Variants in PODN observed in about 807,000 individuals in gnomAD.
PODN encodes podocan proteoglycan.
Under a neutral mutation model 52.7 loss-of-function variants are expected in PODN, and 40 were observed. That is an observed-to-expected ratio of 0.76 (90% CI 0.59 to 0.99). The LOEUF (loss-of-function observed/expected upper bound fraction) is 0.99, where lower values mean the gene tolerates loss of function less well. PODN is among the 50% of genes least tolerant of loss of function. The probability of loss-of-function intolerance (pLI) is 0.00; values close to 1 mark genes in which losing one functional copy is unlikely to be tolerated. For synonymous variants in PODN, 396 were observed against 377.9 expected (o/e 1.05, Z -0.56); for missense variants, 720 against 815.1 (o/e 0.88, Z 1.42).
chr1:53,083,399 G>T (rs1047463652), intron 10 of PODN, among the ~76,000 whole-genome samples: 1 of 152,168 alleles, frequency 6.6e-6, no homozygotes, highest in Non-Finnish European at 1.5e-5. Flanking sequence ...GAAGAGGCTG[G>T]CCTGGAGGGG....
chr1:53,067,935 A>T (rs945797066), intron 1 of PODN, among the ~76,000 whole-genome samples: 2 of 150,570 alleles, frequency 1.3e-5, no homozygotes, highest in Admixed American at 6.6e-5. Flanking sequence ...AAAAAAAAAA[A>T]GCCCAGCAAG....
intron 3 of PODN, 134 bp downstream of exon 3, chr1:53,071,762 C>A (rs1644122158): frequency 2.4e-6 from 2 of 841,940 alleles, no homozygotes; most frequent in Non-Finnish European, 3.7e-6. Flanking sequence ...AGGCCCGGGC[C>A]AGGCTAGCAG....
chr1:53,070,142 A>G lies in PODN; in HGVS notation c.287A>G (p.Glu96Gly), dbSNP rs772071448. ...DLREFPGDLP[E>G]HTNHLSLQNN... is the part of the protein sequence containing the mutation. Reference sequence around the variant, plus strand: ...CGTGAGTTCCCGGGGGACCTGCCTGAGCACACCAACCACCTATCTCTGCAG... The same window carrying G: ...CGTGAGTTCCCGGGGGACCTGCCTGGGCACACCAACCACCTATCTCTGCAG... The change falls in exon 2 of 11, where the codon GAG (glutamate) becomes GGG (glycine). Residue 96 changes from glutamate to glycine, a missense_variant. By Grantham distance (98) the Glu-to-Gly change is moderately conservative. Coordinates refer to ENST00000312553, the MANE Select transcript of PODN (RefSeq NM_153703.5). 22 of 1,610,022 alleles carry G rather than the reference A, an allele frequency of 1.4e-5. No homozygotes were observed. The highest frequency in any genetic ancestry group is 1.9e-5 in the Non-Finnish European group (22 of 1,179,970).
At position 53,062,223 on chromosome 1, in the gene PODN, G is replaced by T; in HGVS notation, c.-141G>T. 2.9e-5 allele frequency: 37 copies of T among 1,272,430 alleles called. No individual in the cohort carries two copies. The highest frequency in any genetic ancestry group is 3.7e-5 in the Non-Finnish European group (37 of 1,002,314). The allele number at this position is 1,272,430 out of a possible 1,614,324, so 78.8% of individuals were successfully genotyped here. A position where few individuals can be genotyped will look rare whatever the true frequency, so the allele number is the denominator to read the frequency against. On this transcript the variant is annotated 5_prime_UTR_variant, in exon 1 of 11. It introduces an in-frame stop codon into an upstream open reading frame of the 5' UTR. Coordinates refer to ENST00000312553, the MANE Select transcript of PODN (RefSeq NM_153703.5). ...GAGAGCGCCCAGCTTGACTTGAATG[G>T]AAGGAGCCCGAGCCCGCGGAGCGCA...
intron 10 of PODN, 36 bp downstream of exon 10, chr1:53,082,224 TC>T: frequency 6.9e-7 from 1 of 1,456,320 alleles, no homozygotes; most frequent in Admixed American, 2.4e-5. Flanking sequence ...TCACTTCTGC[TC>T]CCTGCATTTT....
At chr1:53,062,632 C>G (rs1055525532) in intron 1 of PODN, among the ~76,000 whole-genome samples, 2 of 151,902 alleles carry the variant, frequency 1.3e-5, no homozygotes, top group Non-Finnish European at 2.9e-5. Context: ...GGGAGGACGC[C>G]GGCGGGCGAC....
chr1:53,076,031 G>C (rs570323142), intron 5 of PODN, 60 bp downstream of exon 5: 56 of 1,373,358 alleles, frequency 4.1e-5, no homozygotes, highest in Non-Finnish European at 4.9e-5. Context: ...TGAGGTGGAG[G>C]CTGCCATCCT....
At chr1:53,068,920 G>C (rs947984815) in intron 1 of PODN, among the ~76,000 whole-genome samples, 1 of 152,150 alleles carries the variant, frequency 6.6e-6, no homozygotes, top group Non-Finnish European at 1.5e-5. Context: ...AGGTGGCAGT[G>C]GTCACTGAGC....
At position 53,071,705 on chromosome 1, in the gene PODN, G is replaced by C. The variant is rs1353832839; in HGVS notation, c.406+77G>C. The C allele has an allele frequency of 3.6e-6, 5 of 1,405,722 alleles. No individual in the cohort carries two copies. In the South Asian group the frequency reaches 3.7e-5, roughly 10 times the overall value. The allele number at this position is 1,405,722 out of a possible 1,614,324, so 87.1% of individuals were successfully genotyped here. A position where few individuals can be genotyped will look rare whatever the true frequency, so the allele number is the denominator to read the frequency against. ...GGCCTGAACGATGCTGGGTGCCCAG[G>C]GGGAGAGCTTGGCCCTGCGGATCTT... On this transcript the variant is annotated intron_variant, in intron 3 of 10. Coordinates refer to ENST00000312553, the MANE Select transcript of PODN (RefSeq NM_153703.5).
chr1:53,083,527 C>G (rs1644323429), intron 10 of PODN, among the ~76,000 whole-genome samples: 1 of 152,190 alleles, frequency 6.6e-6, no homozygotes, highest in African/African-American at 2.4e-5. Flanking sequence ...AGATTGGTGG[C>G]TTGGTGGCCA....
chr1:53,066,795 T>C (rs1644039020), intron 1 of PODN: 1 of 1,538,264 alleles, frequency 6.5e-7, no homozygotes, highest in Non-Finnish European at 8.8e-7. Context: ...ATAAATTCAA[T>C]ATTTTTATTG....
intron 3 of PODN, among the ~76,000 whole-genome samples, chr1:53,074,264 G>A (rs536361964): frequency 6.6e-6 from 1 of 152,380 alleles, no homozygotes; most frequent in East Asian, 1.9e-4. Context: ...GGATGGGGCT[G>A]TGACCTTCTG....
intron 10 of PODN, 92 bp downstream of exon 10, chr1:53,082,280 C>T: frequency 7.3e-7 from 1 of 1,378,382 alleles, no homozygotes; most frequent in African/African-American, 1.5e-5. Flanking sequence ...CATTCTTCAC[C>T]CTCTCGCCTC....
chr1:53,065,406 T>C (rs920217269), intron 1 of PODN, among the ~76,000 whole-genome samples: 6 of 151,436 alleles, frequency 4.0e-5, no homozygotes, highest in Non-Finnish European at 8.8e-5. Context: ...GTCAGTGGTA[T>C]GGCCAAGGTC....
At position 53,069,859 on chromosome 1, in the gene PODN, G is replaced by A. The variant is rs772909051; in HGVS notation, c.4G>A (p.Ala2Thr). The A allele has an allele frequency of 6.4e-7, 1 of 1,572,282 alleles. No homozygotes were observed. The highest frequency in any genetic ancestry group is 8.6e-7 in the Non-Finnish European group (1 of 1,159,258). The stretch of plus-strand genomic sequence containing the variant: ...CTCGGCACCCCCTGCAGGCACCATG[G>A]CCCAGAGCCGGGTGCTGCTGCTCCT... M[A>T]QSRVLLLLLL... The change falls in exon 2 of 11, where the codon GCC becomes ACC. Residue 2 changes from alanine (A) to threonine (T), a missense_variant. Ala to Thr is a moderately conservative substitution (Grantham distance 58). Coordinates refer to ENST00000312553, the MANE Select transcript of PODN (RefSeq NM_153703.5).
At chr1:53,081,917 C>T (rs774004667) in intron 9 of PODN, 64 bp from the exon 10 acceptor site, 17 of 1,529,630 alleles carry the variant, frequency 1.1e-5, no homozygotes, top group East Asian at 4.6e-5. Context: ...AGAGGCCAGT[C>T]GGGGGAAGGG....
chr1:53,074,155 A>T (rs1572267192), intron 3 of PODN, among the ~76,000 whole-genome samples: 1 of 152,244 alleles, frequency 6.6e-6, no homozygotes, highest in East Asian at 1.9e-4. Flanking sequence ...GTCCTGACAC[A>T]TCTGCCAGAT....
intron 1 of PODN, among the ~76,000 whole-genome samples, chr1:53,069,570 C>T (rs577230710): frequency 6.6e-6 from 1 of 152,354 alleles, no homozygotes; most frequent in East Asian, 1.9e-4. Context: ...TCCTTAGGGC[C>T]AAGCCTGCTG....
chr1:53,074,621 C>T lies in PODN; in HGVS notation c.422C>T (p.Ala141Val), dbSNP rs140637273. 5.6e-6 allele frequency: 9 copies of T among 1,613,918 alleles called. No individual in the cohort carries two copies. The highest frequency in any genetic ancestry group is 3.3e-4 in the Middle Eastern group (2 of 6,084). ...TCCTTTGAAGGGCTCCCAGAGAAGG[C>T]GTTTGAGCATCTGACCAACCTCAAT... Reference protein sequence around the residue: ...RLTSRGLPEKAFEHLTNLNYL... With the variant: ...RLTSRGLPEKVFEHLTNLNYL... The change falls in exon 4 of 11, where the codon GCG becomes GTG. Residue 141 changes from alanine to valine, a missense_variant. By Grantham distance (64) the Ala-to-Val change is moderately conservative. Transcript: ENST00000312553.
Sources: allele counts gnomAD v4.1 joint callset (sites outside exome capture counted in the v4.1 genomes callset), GRCh38; gene constraint gnomAD v4.1.1; transcripts MANE v1.5; gene names NCBI Gene and HGNC (gene_info 2026-07-23, HGNC 2026-07-21).